STAU1: variants seen among roughly 807,000 people sequenced by gnomAD.
The protein encoded by STAU1 is staufen double-stranded RNA binding protein 1.
STAU1 carries 13 observed loss-of-function variants against 62.9 expected under a neutral mutation model. The observed-to-expected ratio is 0.21, with a 90% CI of 0.13 to 0.33. The LOEUF (loss-of-function observed/expected upper bound fraction) is 0.33, where lower values mean the gene tolerates loss of function less well. Among genes scored for constraint, STAU1 ranks in the 10% least tolerant of loss-of-function variants. The pLI, the probability that STAU1 is intolerant of heterozygous loss-of-function variation, is 1.00. For missense variants in STAU1, 571 were observed against 712.1 expected (o/e 0.80, Z 2.25); for synonymous variants, 269 against 265.1 (o/e 1.01, Z -0.14).
chr20:49,207,497 G>T, the STAU1 span, among the ~76,000 whole-genome samples: 12 of 152,150 alleles, frequency 7.9e-5, no homozygotes, highest in Non-Finnish European at 1.8e-4. Flanking sequence ...AACTTTAAAT[G>T]AATTTTAAAT....
chr20:49,117,282 G>A lies in STAU1; in HGVS notation c.1510-34C>T. On this transcript the variant is annotated intron_variant, in intron 11 of 13. Coordinates refer to ENST00000371856, the MANE Select transcript of STAU1 (RefSeq NM_017453.4). The surrounding 1 kb of genome is among the most constrained non-coding windows in gnomAD (Gnocchi z 4.6). ...GAAAAGAGAGCTGAGGCTAGGTAGG[G>A]AACAGCAAGTATGAGTGGGCTGGAG... is the stretch of plus-strand genomic sequence containing the variant. 1 of 1,611,876 alleles carries A rather than the reference G, an allele frequency of 6.2e-7. No homozygotes were observed. Among genetic ancestry groups the A allele is most frequent in the South Asian group, 1.1e-5 (1 of 90,672 alleles).
At chr20:49,217,693 A>ATT in the STAU1 span, among the ~76,000 whole-genome samples, 8 of 143,936 alleles carry the variant, frequency 5.6e-5, no homozygotes, top group Middle Eastern at 3.6e-3. Flanking sequence ...ATATATATAT[A>ATT]TTTTTAGGCC....
intron 6 of STAU1, among the ~76,000 whole-genome samples, chr20:49,131,399 A>G (rs1178634796): frequency 1.3e-5 from 2 of 152,306 alleles, no homozygotes; most frequent in Admixed American, 6.5e-5. Context: ...AATTTCCTCT[A>G]CTTAATAGAT....
intron 6 of STAU1, among the ~76,000 whole-genome samples, chr20:49,129,630 C>CTTTTTTTTTTTTTTTTTTTTTTTTTT: frequency 1.0e-5 from 1 of 96,656 alleles, no homozygotes; most frequent in Non-Finnish European, 2.0e-5. Flanking sequence ...AGTTTGGCAA[C>CTTTTTTTTTTTTTTTTTTTTTTTTTT]TTTTTTTTTT....
Position 49,123,155 on chromosome 20 carries a change from C to G in STAU1, c.903G>C (p.Lys301Asn). The G allele has an allele frequency of 6.2e-7, 1 of 1,614,124 alleles. No homozygotes were observed. ...CTGTGAGGAGCGTGTACTCTGGCTC[C>G]TTCTCCTTTTTTGCCTGCTGGATCT... ...LAQIQQAKKE[K>N]EPEYTLLTER... Residue 301 changes from lysine to asparagine, a missense_variant, in exon 8 of 14, where the codon AAG (lysine) becomes AAC (asparagine). By Grantham distance (94) the Lys-to-Asn change is moderately conservative. Around this residue, in one of 3 missense-constraint regions of STAU1, gnomAD observed 414 missense variants for 499.6 expected, o/e 0.83. Transcript: ENST00000371856.
chr20:49,180,382 G>T (rs1012970747), intron 1 of STAU1, among the ~76,000 whole-genome samples: 1 of 150,852 alleles, frequency 6.6e-6, no homozygotes, highest in Non-Finnish European at 1.5e-5. Context: ...GAAGTGCAGC[G>T]GCACGATGTC....
At chr20:49,137,392 T>C (rs1180013750) in intron 5 of STAU1, among the ~76,000 whole-genome samples, 1 of 152,206 alleles carries the variant, frequency 6.6e-6, no homozygotes, top group African/African-American at 2.4e-5. Context: ...TTCTGCGTGC[T>C]GATAACATGG....
intron 5 of STAU1, among the ~76,000 whole-genome samples, chr20:49,137,528 T>C (rs745505685): frequency 1.3e-5 from 2 of 152,230 alleles, no homozygotes; most frequent in Non-Finnish European, 2.9e-5. Flanking sequence ...AAAGAATTTA[T>C]AAAGTCCTGC....
At chr20:49,159,597 G>A (rs1334424729) in intron 3 of STAU1, among the ~76,000 whole-genome samples, 2 of 152,152 alleles carry the variant, frequency 1.3e-5, no homozygotes, top group African/African-American at 2.4e-5. Flanking sequence ...GTCTCACTCT[G>A]TCACCCAGGC....
At position 49,182,224 on chromosome 20, in the gene STAU1, C is replaced by G. The variant is rs558277057; in HGVS notation, c.-160+5892G>C. On this transcript the variant is annotated intron_variant, in intron 1 of 13. Coordinates refer to ENST00000371856, the MANE Select transcript of STAU1 (RefSeq NM_017453.4). ...GAAATTTTTCTCTACTTCCATTTATCTGGTGACATAAATCACTGTTACATC... is the reference window on the plus strand; with the variant it reads ...GAAATTTTTCTCTACTTCCATTTATGTGGTGACATAAATCACTGTTACATC... Among the ~76,000 whole-genome samples, 3 of 152,308 alleles carry G rather than the reference C, an allele frequency of 2.0e-5. No individual in the cohort carries two copies. The South Asian group carries it at 6.2e-4, about 32-fold the overall frequency.
intron 5 of STAU1, among the ~76,000 whole-genome samples, chr20:49,139,345 A>G (rs1260332163): frequency 6.6e-6 from 1 of 152,258 alleles, no homozygotes; most frequent in Non-Finnish European, 1.5e-5. Flanking sequence ...ATTAATATCC[A>G]GAATATATAA....
rs747096961 is a variant in STAU1 at position 49,117,997 on chromosome 20, A to C, written c.1289T>G (p.Val430Gly). The change falls in exon 11 of 14, where the codon GTT becomes GGT. Residue 430 changes from valine (V) to glycine (G), a missense_variant. Coordinates refer to ENST00000371856, the MANE Select transcript of STAU1 (RefSeq NM_017453.4). This position sits in a 1 kb window ranked among gnomAD's most constrained non-coding sequence, Gnocchi z 4.6. ...ATCTTTGGTGTGATGTCCTTGACTAACTCCTACAGCCTGGGCGACCTCGGG... is the reference window on the plus strand; with the variant it reads ...ATCTTTGGTGTGATGTCCTTGACTACCTCCTACAGCCTGGGCGACCTCGGG... ...MVPEVAQAVG[V>G]SQGHHTKDFT... 1 of 1,614,008 alleles carries C rather than the reference A, an allele frequency of 6.2e-7. No homozygotes were observed. Among genetic ancestry groups the C allele is most frequent in the Non-Finnish European group, 8.5e-7 (1 of 1,179,994 alleles).
At chr20:49,179,142 G>A (rs1178298238) in intron 1 of STAU1, 1 of 150,850 alleles carries the variant, frequency 6.6e-6, no homozygotes, top group Non-Finnish European at 1.5e-5. Flanking sequence ...AGCTTATCGG[G>A]AGGCTGAAGT....
rs752227513 is a variant in STAU1, at chr20:49,117,848, G to A, written c.1438C>T (p.His480Tyr). ...TILKNNISSG[H>Y]VPHGPLTRPS... is the part of the protein sequence containing the mutation. ...CTCGTGAGAGGTCCATGGGGTACGTGGCCTGAAGAGATGTTATTCTTTAAA... is the reference window on the plus strand; with the variant it reads ...CTCGTGAGAGGTCCATGGGGTACGTAGCCTGAAGAGATGTTATTCTTTAAA... The change falls in exon 11 of 14, where the codon CAC (histidine) becomes TAC (tyrosine). Residue 480 changes from histidine to tyrosine, a missense_variant. Coordinates refer to ENST00000371856, the MANE Select transcript of STAU1 (RefSeq NM_017453.4). This position sits in a 1 kb window ranked among gnomAD's most constrained non-coding sequence, Gnocchi z 4.6. The A allele has an allele frequency of 1.2e-6, 2 of 1,614,144 alleles. No homozygotes were observed. Among genetic ancestry groups the A allele is most frequent in the South Asian group, 2.2e-5 (2 of 91,086 alleles).
upstream of STAU1, among the ~76,000 whole-genome samples, chr20:49,189,683 C>T (rs1422828603): frequency 1.3e-5 from 2 of 151,250 alleles, no homozygotes; most frequent in Non-Finnish European, 2.9e-5. Context: ...ATTATGCTCG[C>T]GTTGTGAGAG....
At chr20:49,181,522 T>C (rs1359277491) in intron 1 of STAU1, among the ~76,000 whole-genome samples, 2 of 152,068 alleles carry the variant, frequency 1.3e-5, no homozygotes, top group African/African-American at 4.8e-5. Context: ...CCTATCACTT[T>C]GCGAGGCTAA....
chr20:49,169,953 G>A (rs189965355), intron 2 of STAU1, among the ~76,000 whole-genome samples: 19 of 152,318 alleles, frequency 1.2e-4, no homozygotes, highest in African/African-American at 4.6e-4. Flanking sequence ...AGATTGGCTT[G>A]GTAACACAAA....
chr20:49,194,119 A>C, the STAU1 span, among the ~76,000 whole-genome samples: 12 of 152,038 alleles, frequency 7.9e-5, no homozygotes, highest in African/African-American at 2.4e-4. Context: ...CAAATTGATC[A>C]AATATTTAAA....
At chr20:49,196,778 A>G in the STAU1 span, among the ~76,000 whole-genome samples, 1 of 35,816 alleles carries the variant, frequency 2.8e-5, no homozygotes, top group Non-Finnish European at 1.0e-4. Context: ...TCAAAAAGGA[A>G]AAAAAGAAAA....
Sources: allele counts gnomAD v4.1 joint callset (sites outside exome capture counted in the v4.1 genomes callset), GRCh38; gene constraint gnomAD v4.1.1; regional missense constraint gnomAD v4.1.1; non-coding constraint Gnocchi (gnomAD v3.1); transcripts MANE v1.5; gene names NCBI Gene and HGNC (gene_info 2026-07-23, HGNC 2026-07-21).